The following ASH1L variants were observed in gnomAD, a reference collection of about 807,000 sequenced individuals.
ASH1L encodes ASH1 like histone lysine methyltransferase, also known as histone-lysine N-methyltransferase ASH1L.
ASH1L carries 23 observed loss-of-function variants against 269.0 expected under a neutral mutation model. The observed-to-expected ratio is 0.09, with a 90% CI of 0.06 to 0.12. The LOEUF (loss-of-function observed/expected upper bound fraction) is 0.12. Ranked by LOEUF, ASH1L falls within the 10% of genes least tolerant of loss-of-function variation. ASH1L has a pLI of 1.00. For missense variants in ASH1L, 2,912 were observed against 3,567.8 expected, an observed-to-expected ratio of 0.82 and a Z score of 4.68; for synonymous variants, 1,187 against 1,253.5, an observed-to-expected ratio of 0.95 and a Z score of 1.12.
chr1:155,357,550 C>G (rs1654528412), intron 14 of ASH1L, 35 bp downstream of exon 14: 1 of 1,612,238 alleles, frequency 6.2e-7, no homozygotes, highest in Non-Finnish European at 8.5e-7. Flanking sequence ...ATCTCATGAA[C>G]AGCTTTTGGG....
chr1:155,557,573 C>G (rs1003878294), intron 1 of ASH1L, among the ~76,000 whole-genome samples: 1 of 152,060 alleles, frequency 6.6e-6, no homozygotes, highest in African/African-American at 2.4e-5. Flanking sequence ...AGCCACCACG[C>G]CCGGCCTAGA....
intron 4 of ASH1L, among the ~76,000 whole-genome samples, chr1:155,446,971 A>G (rs1277070286): frequency 6.6e-6 from 1 of 152,246 alleles, no homozygotes; most frequent in Non-Finnish European, 1.5e-5. Flanking sequence ...GAGCTTAAAC[A>G]CACAGAAATT....
At chr1:155,337,801 T>C in intron 27 of ASH1L, 50 bp from the exon 28 acceptor site, 1 of 1,526,094 alleles carries the variant, frequency 6.6e-7, no homozygotes, top group East Asian at 2.2e-5. Flanking sequence ...TCCTACTCCT[T>C]ATTCCAGATT....
At chr1:155,490,137 TG>T (rs1666660716) in intron 2 of ASH1L, among the ~76,000 whole-genome samples, 1 of 151,644 alleles carries the variant, frequency 6.6e-6, no homozygotes, top group African/African-American at 2.4e-5. Context: ...GCTGATTTTT[TG>T]TATTTTTAGT....
At chr1:155,488,502 C>CAAAAAAAAAA (rs368511587) in intron 2 of ASH1L, among the ~76,000 whole-genome samples, 22 of 41,224 alleles carry the variant, frequency 5.3e-4, no homozygotes, top group African/African-American at 1.0e-3. Context: ...ACTAAAAATA[C>CAAAAAAAAAA]AAAAAAAAAA....
At chr1:155,428,758 C>T (rs1661375555) in intron 5 of ASH1L, among the ~76,000 whole-genome samples, 1 of 152,178 alleles carries the variant, frequency 6.6e-6, no homozygotes, top group Admixed American at 6.5e-5. Flanking sequence ...CCTTTGTTTC[C>T]CATAAGAGAT....
chr1:155,388,732 T>TTTTTTTTC (rs1558055048), intron 7 of ASH1L, among the ~76,000 whole-genome samples: 2 of 142,432 alleles, frequency 1.4e-5, no homozygotes, highest in African/African-American at 5.1e-5. Flanking sequence ...TTTTTTTTTT[T>TTTTTTTTC]CATAGAAAAC....
At chr1:155,525,301 C>T (rs1261619565) in intron 1 of ASH1L, among the ~76,000 whole-genome samples, 1 of 151,854 alleles carries the variant, frequency 6.6e-6, no homozygotes, top group Non-Finnish European at 1.5e-5. Flanking sequence ...GTACAAAGTC[C>T]TATCTTCTCC....
intron 15 of ASH1L, among the ~76,000 whole-genome samples, chr1:155,355,802 C>T (rs550198094): frequency 3.3e-5 from 5 of 151,998 alleles, no homozygotes; most frequent in Non-Finnish European, 7.4e-5. Flanking sequence ...AGGACATACT[C>T]ACTTGTTTGC....
intron 12 of ASH1L, among the ~76,000 whole-genome samples, chr1:155,367,329 T>C (rs1039731662): frequency 6.6e-6 from 1 of 152,220 alleles, no homozygotes; most frequent in Non-Finnish European, 1.5e-5. Context: ...TACTTGGTTG[T>C]TGCTAATATA....
intron 3 of ASH1L, among the ~76,000 whole-genome samples, chr1:155,470,552 C>CCT (rs531070049): frequency 6.5e-5 from 9 of 137,492 alleles, no homozygotes; most frequent in Non-Finnish European, 1.2e-4. Context: ...CAGAAATTAC[C>CCT]TTTTTTTTTT....
At position 155,481,297 on chromosome 1, in the gene ASH1L, C is replaced by T; in HGVS notation, c.1573G>A (p.Val525Ile). Residue 525 changes from valine to isoleucine, a missense_variant, in exon 3 of 28, where the codon GTA (valine) becomes ATA (isoleucine). This residue lies in a region of ASH1L where 715 missense variants were observed against 721.0 expected (regional missense o/e 0.99). Coordinates refer to ENST00000392403, the MANE Select transcript of ASH1L (RefSeq NM_018489.3). ...TTAAAGTCCGGAGAAGTGCAATATA[C>T]AGGAGGCTGCTTTTCATGCTTTGAG... ...ETSKHEKQPP[V>I]YCTSPDFKMG... The T allele has an allele frequency of 6.2e-7, 1 of 1,614,110 alleles. No homozygotes were observed. Among genetic ancestry groups the T allele is most frequent in the Non-Finnish European group, 8.5e-7 (1 of 1,180,006 alleles).
chr1:155,473,250 C>T (rs1163988270), intron 3 of ASH1L, among the ~76,000 whole-genome samples: 1 of 152,168 alleles, frequency 6.6e-6, no homozygotes, highest in Admixed American at 6.5e-5. Context: ...TTCCTCTTGG[C>T]TCCTACTGGC....
intron 1 of ASH1L, among the ~76,000 whole-genome samples, chr1:155,533,282 T>C (rs1669812929): frequency 6.6e-6 from 1 of 152,034 alleles, no homozygotes; most frequent in Non-Finnish European, 1.5e-5. Context: ...TATTATCTCA[T>C]TTAAGGCTCA....
At chr1:155,377,121 G>A (rs1656524628) in intron 10 of ASH1L, among the ~76,000 whole-genome samples, 1 of 151,250 alleles carries the variant, frequency 6.6e-6, no homozygotes, top group South Asian at 2.1e-4. Context: ...TGGTCAGGCT[G>A]GTCTTGAACT....
intron 6 of ASH1L, among the ~76,000 whole-genome samples, chr1:155,401,421 C>T (rs143986012): frequency 4.2e-5 from 6 of 143,844 alleles, no homozygotes; most frequent in African/African-American, 1.6e-4. Context: ...GAGATTGCAG[C>T]GAGCCAAAGT....
At chr1:155,410,866 A>G (rs1659706808) in intron 6 of ASH1L, among the ~76,000 whole-genome samples, 1 of 151,436 alleles carries the variant, frequency 6.6e-6, no homozygotes, top group African/African-American at 2.4e-5. Flanking sequence ...CCAGCGGCCT[A>G]AAGTGCTGGG....
chr1:155,525,299 T>C (rs978597025), intron 1 of ASH1L, among the ~76,000 whole-genome samples: 2 of 151,718 alleles, frequency 1.3e-5, no homozygotes, highest in Admixed American at 6.6e-5. Context: ...AAGTACAAAG[T>C]CCTATCTTCT....
chr1:155,533,251 C>G (rs944377341), intron 1 of ASH1L, among the ~76,000 whole-genome samples: 3 of 152,036 alleles, frequency 2.0e-5, no homozygotes, highest in Admixed American at 2.0e-4. Context: ...GTACAAAGCT[C>G]TATGCCAAAT....
Sources: gnomAD v4.1 joint callset for allele counts (sites outside exome capture counted in the v4.1 genomes callset) on GRCh38, gnomAD v4.1.1 for gene constraint, gnomAD v4.1.1 regional missense constraint, MANE v1.5 for transcripts, NCBI Gene and HGNC (gene_info 2026-07-23, HGNC 2026-07-21) for gene names.